Variants in ARNT2 observed in about 807,000 individuals in gnomAD.
ARNT2 encodes ARNT protein 2.
ARNT2 carries 36 observed loss-of-function variants against 91.7 expected under a neutral mutation model. The observed-to-expected ratio is 0.39, with a 90% CI of 0.30 to 0.52. ARNT2 has a LOEUF of 0.52. Ranked by LOEUF, ARNT2 falls within the 20% of genes least tolerant of loss-of-function variation. The pLI, the probability that ARNT2 is intolerant of heterozygous loss-of-function variation, is 0.72. For synonymous variants in ARNT2, 365 were observed against 347.1 expected, an observed-to-expected ratio of 1.05 and a Z score of -0.57; for missense variants, 775 against 939.3, an observed-to-expected ratio of 0.83 and a Z score of 2.29.
chr15:80,464,828 C>T (rs1006037232), intron 3 of ARNT2, among the ~76,000 whole-genome samples: 1 of 152,144 alleles, frequency 6.6e-6, no homozygotes, highest in Non-Finnish European at 1.5e-5. Context: ...TCTTCCTTCC[C>T]GAGTGTCACC....
chr15:80,594,905 T>C lies in ARNT2; in HGVS notation c.*1207T>C, dbSNP rs1220216462. 1.3e-5 allele frequency: 2 copies of C among 152,190 alleles called. No individual in the cohort carries two copies. Among genetic ancestry groups the C allele is most frequent in the Non-Finnish European group, 2.9e-5 (2 of 68,038 alleles). The allele number at this position is 152,190 out of a possible 1,614,324, so 9.4% of individuals were successfully genotyped here. A position where few individuals can be genotyped will look rare whatever the true frequency, so the allele number is the denominator to read the frequency against. ...CTCTGGGAGGCACAGAGTGCAGGTC[T>C]CAGGGGCAGAAGACATGGGTTCCAG... On this transcript the variant is annotated 3_prime_UTR_variant, in exon 19 of 19. Coordinates refer to ENST00000303329, the MANE Select transcript of ARNT2 (RefSeq NM_014862.4).
intron 1 of ARNT2, among the ~76,000 whole-genome samples, chr15:80,429,582 T>C (rs145680032): frequency 1.0e-3 from 154 of 152,318 alleles, no homozygotes; most frequent in Non-Finnish European, 1.4e-3. Context: ...GGAGCTGATA[T>C]AGCAAATCAT....
At chr15:80,593,402 C>T (rs1394762446) in intron 18 of ARNT2, among the ~76,000 whole-genome samples, 198 bp from the exon 19 acceptor site, 1 of 152,238 alleles carries the variant, frequency 6.6e-6, no homozygotes, top group Non-Finnish European at 1.5e-5. Flanking sequence ...ACAACAGCTC[C>T]CTGGGGAGAA....
chr15:80,405,896 GAGAGAGAC>G (rs1047561926), intron 1 of ARNT2, among the ~76,000 whole-genome samples: 11 of 151,146 alleles, frequency 7.3e-5, no homozygotes, highest in Admixed American at 2.6e-4. Context: ...AGAAAAGAGA[GAGAGAGAC>G]AGAGAGAGAG....
chr15:80,588,881 C>T lies in ARNT2; in HGVS notation c.1919-2687C>T, dbSNP rs574873562. 3.9e-5 allele frequency among the ~76,000 whole-genome samples: 6 copies of T among 152,288 alleles called. No individual in the cohort carries two copies. In the South Asian group the frequency reaches 1.2e-3, roughly 32 times the overall value. On this transcript the variant is annotated intron_variant, in intron 17 of 18. Transcript: ENST00000303329. The stretch of plus-strand genomic sequence containing the variant: ...ACCTGTGCAGAATTGCCTGTTTGCT[C>T]CCTTTCCCAACCATGCTATATGCTT...
chr15:80,457,918 T>C lies in ARNT2; in HGVS notation c.147-11T>C, dbSNP rs1178852302. 6.2e-7 allele frequency: 1 copy of C among 1,613,952 alleles called. No individual in the cohort carries two copies. Among genetic ancestry groups the C allele is most frequent in the African/African-American group, 1.3e-5 (1 of 74,944 alleles). ...AATAATCAGTGCTCACTTGTGATCT[T>C]GACTTTTCAGAATGGACTTCGATGA... On this transcript the variant is annotated splice_polypyrimidine_tract_variant and intron_variant, in intron 2 of 18. Transcript: ENST00000303329.
intron 6 of ARNT2, among the ~76,000 whole-genome samples, chr15:80,513,307 A>C (rs1293057458): frequency 6.6e-6 from 1 of 152,142 alleles, no homozygotes; most frequent in Non-Finnish European, 1.5e-5. Flanking sequence ...TGCCTCCCAG[A>C]TGGGGACTCA....
At chr15:80,470,741 A>G (rs74952165) in intron 4 of ARNT2, among the ~76,000 whole-genome samples, 6,396 of 152,316 alleles carry the variant, frequency 0.042, 441 homozygotes, top group African/African-American at 0.14. Flanking sequence ...AATTGTGCTG[A>G]TATGATCAGC....
chr15:80,528,118 C>T (rs1436040918), intron 8 of ARNT2, among the ~76,000 whole-genome samples: 1 of 152,166 alleles, frequency 6.6e-6, no homozygotes, highest in African/African-American at 2.4e-5. Flanking sequence ...CAGCCGTGCA[C>T]ATGGGGAGGG....
chr15:80,562,893 C>A, intron 11 of ARNT2, 195 bp from the exon 12 acceptor site: 1 of 675,876 alleles, frequency 1.5e-6, no homozygotes, highest in Admixed American at 2.3e-5. Flanking sequence ...ATGCAGCACC[C>A]CATTTCACCA....
chr15:80,508,859 G>A (rs766845864), intron 6 of ARNT2, among the ~76,000 whole-genome samples: 17 of 152,298 alleles, frequency 1.1e-4, no homozygotes, highest in Non-Finnish European at 2.4e-4. Flanking sequence ...GGAGAAAGCA[G>A]GGGAATTTTG....
chr15:80,464,858 C>G (rs1429617712), intron 3 of ARNT2, among the ~76,000 whole-genome samples: 1 of 152,194 alleles, frequency 6.6e-6, no homozygotes, highest in Non-Finnish European at 1.5e-5. Flanking sequence ...CAGAGCCAGT[C>G]TGTGCCTAAT....
At chr15:80,526,019 C>T (rs936193538) in intron 8 of ARNT2, among the ~76,000 whole-genome samples, 11 of 152,240 alleles carry the variant, frequency 7.2e-5, no homozygotes, top group African/African-American at 2.6e-4. Context: ...TTTGACAAAC[C>T]ACTTGCAACA....
intron 6 of ARNT2, among the ~76,000 whole-genome samples, chr15:80,508,697 T>C (rs988411765): frequency 6.6e-6 from 1 of 152,240 alleles, no homozygotes; most frequent in Non-Finnish European, 1.5e-5. Flanking sequence ...ATGTTAAATG[T>C]AAATGTCTGG....
chr15:80,562,550 A>G (rs1898384524), intron 11 of ARNT2, among the ~76,000 whole-genome samples: 1 of 152,252 alleles, frequency 6.6e-6, no homozygotes. Context: ...TTATAAATAA[A>G]TAAATAATCC....
At chr15:80,443,579 G>A (rs766807659) in intron 1 of ARNT2, among the ~76,000 whole-genome samples, 1 of 152,326 alleles carries the variant, frequency 6.6e-6, no homozygotes, top group East Asian at 1.9e-4. Flanking sequence ...CAGGCACCTG[G>A]ATGAGTTCAC....
At chr15:80,510,631 C>G (rs903208383) in intron 6 of ARNT2, among the ~76,000 whole-genome samples, 2 of 151,854 alleles carry the variant, frequency 1.3e-5, no homozygotes, top group Non-Finnish European at 1.5e-5. Context: ...GAGATCAAGA[C>G]TATCCTGGCC....
intron 1 of ARNT2, among the ~76,000 whole-genome samples, chr15:80,443,669 T>G (rs923736474): frequency 3.3e-5 from 5 of 151,478 alleles, no homozygotes; most frequent in Non-Finnish European, 7.4e-5. Flanking sequence ...AGAGGAGGCC[T>G]AGGAAGAGGG....
intron 1 of ARNT2, among the ~76,000 whole-genome samples, chr15:80,430,057 C>G (rs890099190): frequency 2.0e-5 from 3 of 152,190 alleles, no homozygotes; most frequent in African/African-American, 7.2e-5. Flanking sequence ...CCAGCGGTTA[C>G]CAGGATCTGT....
Sources: gnomAD v4.1 joint callset for allele counts (sites outside exome capture counted in the v4.1 genomes callset) on GRCh38, gnomAD v4.1.1 for gene constraint, MANE v1.5 for transcripts, NCBI Gene and HGNC (gene_info 2026-07-23, HGNC 2026-07-21) for gene names.